Variants in GPC4 observed in about 807,000 individuals in gnomAD.
The protein encoded by GPC4 is glypican-4.
GPC4 carries 10 observed loss-of-function variants against 35.0 expected under a neutral mutation model. That is an observed-to-expected ratio of 0.29 (90% CI 0.18 to 0.48). The LOEUF (loss-of-function observed/expected upper bound fraction) is 0.48, where lower values mean the gene tolerates loss of function less well. Ranked by LOEUF, GPC4 falls within the 20% of genes least tolerant of loss-of-function variation. GPC4 has a pLI of 0.99. For synonymous variants in GPC4, 167 were observed against 170.2 expected, an observed-to-expected ratio of 0.98 and a Z score of 0.15; for missense variants, 322 against 451.3, an observed-to-expected ratio of 0.71 and a Z score of 2.60.
intron 3 of GPC4, among the ~76,000 whole-genome samples, chrX:133,320,222 G>A (rs757098859): frequency 8.1e-5 from 9 of 111,444 alleles, no homozygotes; most frequent in Non-Finnish European, 1.3e-4. Context: ...TCCTATTCAC[G>A]GTCTTCCCAT....
At chrX:133,383,713 G>A (rs1163060126) in intron 1 of GPC4, among the ~76,000 whole-genome samples, 1 of 111,438 alleles carries the variant, frequency 9.0e-6, no homozygotes. Flanking sequence ...CAGGTGTTGT[G>A]GTGCATGCCT....
At chrX:133,323,908 C>CA (rs1225163987) in intron 3 of GPC4, among the ~76,000 whole-genome samples, 5 of 110,923 alleles carry the variant, frequency 4.5e-5, no homozygotes, top group Non-Finnish European at 7.6e-5. Flanking sequence ...AGAATAGCTA[C>CA]AAAAAAACCC....
At chrX:133,312,655 AAG>A (rs769649932) in intron 3 of GPC4, among the ~76,000 whole-genome samples, 112 of 72,982 alleles carry the variant, frequency 1.5e-3, no homozygotes, top group African/African-American at 0.01. Context: ...GGAAGAAAGG[AAG>A]AAGGAAAGGA....
rs773510836 is a variant in GPC4, at chrX:133,311,315, T to C, written c.820A>G (p.Met274Val). 4.1e-6 allele frequency: 5 copies of C among 1,211,400 alleles called. No homozygotes were observed. The South Asian group carries it at 8.8e-5, about 21-fold the overall frequency. The change falls in exon 4 of 9, where the codon ATG becomes GTG. Residue 274 changes from methionine (M) to valine (V), a missense_variant. Met to Val is a conservative substitution (Grantham distance 21, BLOSUM62 1). This residue lies in a region of GPC4 where 163 missense variants were observed against 277.2 expected (regional missense o/e 0.59). Coordinates refer to ENST00000370828, the MANE Select transcript of GPC4 (RefSeq NM_001448.3). Reference protein sequence around the residue: ...KPCYNYCSNIMRGCLANQGDL... With the variant: ...KPCYNYCSNIVRGCLANQGDL... ...CCTTGGTTGGCCAAACAGCCTCTCA[T>C]GATGTTTGAGCAGTAGTTGTAACAT...
intron 1 of GPC4, among the ~76,000 whole-genome samples, chrX:133,384,249 C>T (rs186782493): frequency 0.032 from 3,535 of 110,597 alleles, 128 homozygotes; most frequent in African/African-American, 0.11. Flanking sequence ...ATTGATTTTT[C>T]AAAAGTTAAT....
chrX:133,327,173 T>C (rs547804634), intron 2 of GPC4, among the ~76,000 whole-genome samples: 7 of 112,210 alleles, frequency 6.2e-5, no homozygotes, highest in East Asian at 2.8e-4. Context: ...GCTCATAAAA[T>C]TGGCACATAT....
intron 1 of GPC4, among the ~76,000 whole-genome samples, chrX:133,385,860 A>C: frequency 9.1e-6 from 1 of 109,957 alleles, no homozygotes; most frequent in Non-Finnish European, 1.9e-5. Context: ...TATTAGGCTA[A>C]TGCTAAAATG....
At chrX:133,365,014 G>T (rs751590402) in intron 1 of GPC4, among the ~76,000 whole-genome samples, 2 of 111,549 alleles carry the variant, frequency 1.8e-5, no homozygotes, top group Admixed American at 1.9e-4. Flanking sequence ...TTTCTGGGGG[G>T]AGTCACAGAG....
At chrX:133,333,000 T>C (rs995269277) in intron 2 of GPC4, among the ~76,000 whole-genome samples, 15 of 112,386 alleles carry the variant, frequency 1.3e-4, no homozygotes, top group Admixed American at 9.4e-4. Flanking sequence ...TCATATTTAT[T>C]ACAAGAGTTT....
chrX:133,302,452 A>G lies in GPC4; in HGVS notation c.*415T>C, dbSNP rs2068270841. The G allele has an allele frequency of 8.4e-6, 1 of 119,333 alleles. No homozygotes were observed. The highest frequency in any genetic ancestry group is 3.6e-4 in the South Asian group (1 of 2,815). 9.8% of individuals were successfully genotyped at this position (119,333 alleles called of 1,213,427 possible). On this transcript the variant is annotated 3_prime_UTR_variant, in exon 9 of 9. Coordinates refer to ENST00000370828, the MANE Select transcript of GPC4 (RefSeq NM_001448.3). ...AAACCTGCTTCTGTACAGCTATTTA[A>G]TATTTCAGAAATACGTACATGTTAC...
chrX:133,338,872 C>CT lies in GPC4; in HGVS notation c.319+310dup, dbSNP rs1331196593. ...AGATGCCTGCTTTTTATTATGAGGT[C>CT]TTTTTTTTTTTAAAGGGACTTGCGT... is the stretch of plus-strand genomic sequence containing the variant. On this transcript the variant is annotated intron_variant, in intron 2 of 8. Coordinates refer to ENST00000370828, the MANE Select transcript of GPC4 (RefSeq NM_001448.3). Among the ~76,000 whole-genome samples, 975 of 104,089 alleles carry CT rather than the reference C, an allele frequency of 9.4e-3. 30 individuals are homozygous for CT. Among genetic ancestry groups the CT allele is most frequent in the Admixed American group, 0.079 (756 of 9,630 alleles). The allele number at this position is 104,089 out of a possible 115,157, so 90.4% of individuals were successfully genotyped here.
chrX:133,366,688 G>A (rs752736067), intron 1 of GPC4, among the ~76,000 whole-genome samples: 1 of 110,953 alleles, frequency 9.0e-6, no homozygotes, highest in Non-Finnish European at 1.9e-5. Context: ...GGGTCTGGAG[G>A]CAGGGAACCT....
At chrX:133,371,949 G>A (rs1201211126) in intron 1 of GPC4, among the ~76,000 whole-genome samples, 3 of 111,249 alleles carry the variant, frequency 2.7e-5, no homozygotes. Context: ...AAGAGGTATG[G>A]AAGGCCGGGC....
rs772225457 is a variant in GPC4 at position 133,339,177 on chromosome X, A to G, written c.319+6T>C. On this transcript the variant is annotated splice_donor_region_variant and intron_variant, in intron 2 of 8. Coordinates refer to ENST00000370828, the MANE Select transcript of GPC4 (RefSeq NM_001448.3). ...CCGGTTCTTACATATGACTTGAATAACATACCATCAAACTTCTTGTAACGT... is the reference window on the plus strand; with the variant it reads ...CCGGTTCTTACATATGACTTGAATAGCATACCATCAAACTTCTTGTAACGT... 3 of 1,210,739 alleles carry G rather than the reference A, an allele frequency of 2.5e-6. No individual in the cohort carries two copies. Among genetic ancestry groups the G allele is most frequent in the South Asian group, 3.5e-5 (2 of 56,771 alleles).
At position 133,305,826 on chromosome X, in the gene GPC4, T is replaced by C. The variant is rs1326454679; in HGVS notation, c.1101A>G (p.Pro367=). 2 of 1,210,007 alleles carry C rather than the reference T, an allele frequency of 1.7e-6. No homozygotes were observed. Among genetic ancestry groups the C allele is most frequent in the African/African-American group, 1.7e-5 (1 of 57,145 alleles). Residue 367 remains proline, a synonymous_variant, in exon 6 of 9, where the codon CCA becomes CCG. Transcript: ENST00000370828. ...TGGTTGGGCGTTCCTCGGGGTGATG[T>C]GGTCTGAAGCGAGCACTGAAGGCAC... ...SESAFSARFR[P]HHPEERPTTA... is the part of the protein sequence containing the mutation.
intron 1 of GPC4, among the ~76,000 whole-genome samples, chrX:133,387,878 C>T (rs949044528): frequency 8.9e-5 from 10 of 111,930 alleles, no homozygotes; most frequent in African/African-American, 3.2e-4. Context: ...TCTTCAGTTT[C>T]TAACATTAAG....
chrX:133,403,825 A>G (rs1313046325), intron 1 of GPC4, among the ~76,000 whole-genome samples: 1 of 109,103 alleles, frequency 9.2e-6, no homozygotes, highest in Non-Finnish European at 1.9e-5. Context: ...CCTCCCGAGT[A>G]GCTGGGATTA....
chrX:133,311,349 A>T lies in GPC4; in HGVS notation c.786T>A (p.Thr262=), dbSNP rs951545662. The T allele has an allele frequency of 3.3e-6, 4 of 1,209,518 alleles. No individual in the cohort carries two copies. The highest frequency in any genetic ancestry group is 2.2e-5 in the Admixed American group (1 of 45,814). The change falls in exon 4 of 9, where the codon ACT becomes ACA. Residue 262 remains threonine (T), a synonymous_variant. Transcript: ENST00000370828. The part of the protein sequence containing the change: ...IYCSHCRGLV[T]VKPCYNYCSN... Reference sequence around the variant, plus strand: ...AGCAGTAGTTGTAACATGGCTTCACAGTCACGAGACCCCGGCAGTGGGAGC... The same window carrying T: ...AGCAGTAGTTGTAACATGGCTTCACTGTCACGAGACCCCGGCAGTGGGAGC...
At position 133,378,438 on chromosome X, in the gene GPC4, G is replaced by A. The variant is rs1463936860; in HGVS notation, c.160+36368C>T. ...CAAAAAAAACTAGCTGGGCGTGGTG[G>A]CGGGTGCCTGTAGTCCCAGCTACTC... On this transcript the variant is annotated intron_variant, in intron 1 of 8. Transcript: ENST00000370828. Among the ~76,000 whole-genome samples, 4 of 108,223 alleles carry A rather than the reference G, an allele frequency of 3.7e-5. No homozygotes were observed. In the East Asian group the frequency reaches 1.2e-3, roughly 32 times the overall value. The allele number at this position is 108,223 out of a possible 115,157, so 94.0% of individuals were successfully genotyped here.
Sources: allele counts gnomAD v4.1 joint callset (sites outside exome capture counted in the v4.1 genomes callset), GRCh38; gene constraint gnomAD v4.1.1; regional missense constraint gnomAD v4.1.1; transcripts MANE v1.5; gene names NCBI Gene and HGNC (gene_info 2026-07-23, HGNC 2026-07-21).